The following BACE2 variants were observed in gnomAD, a reference collection of about 807,000 sequenced individuals.
BACE2 encodes beta-secretase 2.
A neutral mutation model predicts 46.2 loss-of-function variants in BACE2; 17 were observed. The ratio of observed to expected loss-of-function variants is 0.37; its 90% CI spans 0.25 to 0.55. BACE2 has a LOEUF of 0.55. BACE2 is among the 20% of genes least tolerant of loss of function. The pLI is 0.82. For synonymous variants in BACE2, 277 were observed against 295.9 expected (o/e 0.94, Z 0.66); for missense variants, 595 against 698.1 (o/e 0.85, Z 1.66).
chr21:41,232,022 T>C (rs1285017080), intron 2 of BACE2, among the ~76,000 whole-genome samples: 2 of 93,380 alleles, frequency 2.1e-5, no homozygotes, highest in African/African-American at 2.2e-4. Context: ...AGAATTACCT[T>C]TTTTTTTTTT....
chr21:41,264,983 C>CTAAA (rs1389993618), intron 8 of BACE2, among the ~76,000 whole-genome samples: 2 of 152,142 alleles, frequency 1.3e-5, no homozygotes, highest in East Asian at 1.9e-4. Flanking sequence ...GACTCTGACT[C>CTAAA]TAAATAAATA....
intron 1 of BACE2, among the ~76,000 whole-genome samples, chr21:41,168,854 AC>A (rs1483507541): frequency 2.0e-5 from 3 of 152,028 alleles, no homozygotes; most frequent in Non-Finnish European, 4.4e-5. Flanking sequence ...GGGAGAGGAG[AC>A]CTGGAACTTG....
chr21:41,271,409 A>G (rs1391589034), intron 8 of BACE2, among the ~76,000 whole-genome samples: 1 of 152,172 alleles, frequency 6.6e-6, no homozygotes, highest in East Asian at 1.9e-4. Context: ...CTAACCTAAA[A>G]AGCTTAACAT....
chr21:41,261,622 CTTAT>C (rs1987939032), intron 8 of BACE2, among the ~76,000 whole-genome samples: 1 of 151,912 alleles, frequency 6.6e-6, no homozygotes, highest in South Asian at 2.1e-4. Flanking sequence ...TGCCCTGTGC[CTTAT>C]TTAAGAAATA....
chr21:41,217,216 A>G (rs1039866482), intron 1 of BACE2, among the ~76,000 whole-genome samples: 4 of 152,250 alleles, frequency 2.6e-5, no homozygotes, highest in Non-Finnish European at 5.9e-5. Context: ...GGCGTGAGCC[A>G]CTGCGCCCGG....
chr21:41,229,446 G>A lies in BACE2; in HGVS notation c.401+3092G>A, dbSNP rs554694205. Among the ~76,000 whole-genome samples the A allele has an allele frequency of 3.3e-5, 5 of 152,314 alleles. No homozygotes were observed. The East Asian group carries it at 7.7e-4, about 23-fold the overall frequency. Reference sequence around the variant, plus strand: ...GGGAACCATGCAAGTCAAGCCCTGTGGATGGCTACTTTTTTCATGGCAGAT... The same window carrying A: ...GGGAACCATGCAAGTCAAGCCCTGTAGATGGCTACTTTTTTCATGGCAGAT... On this transcript the variant is annotated intron_variant, in intron 2 of 8. Coordinates refer to ENST00000330333, the MANE Select transcript of BACE2 (RefSeq NM_012105.5).
intron 2 of BACE2, among the ~76,000 whole-genome samples, chr21:41,232,273 T>C (rs1481683624): frequency 6.6e-6 from 1 of 152,150 alleles, no homozygotes; most frequent in Non-Finnish European, 1.5e-5. Flanking sequence ...TAGACACCGG[T>C]TGCACAAGAG....
At chr21:41,172,173 C>T (rs575556456) in intron 1 of BACE2, among the ~76,000 whole-genome samples, 1 of 152,220 alleles carries the variant, frequency 6.6e-6, no homozygotes, top group Non-Finnish European at 1.5e-5. Flanking sequence ...AAAGTCAAAG[C>T]CAGTTTGCCA....
intron 1 of BACE2, among the ~76,000 whole-genome samples, chr21:41,200,541 A>G (rs1470598766): frequency 6.6e-6 from 1 of 152,206 alleles, no homozygotes; most frequent in Non-Finnish European, 1.5e-5. Context: ...GCACTGTGCT[A>G]GCCCGGCCCC....
chr21:41,215,453 C>T (rs1986434454), intron 1 of BACE2, among the ~76,000 whole-genome samples: 1 of 152,194 alleles, frequency 6.6e-6, no homozygotes, highest in African/African-American at 2.4e-5. Flanking sequence ...ACCCCATGCC[C>T]CAGGTTCAGC....
chr21:41,244,968 CCCACCCCATATGCA>C (rs1987424580), intron 5 of BACE2, among the ~76,000 whole-genome samples: 1 of 150,682 alleles, frequency 6.6e-6, no homozygotes, highest in East Asian at 1.9e-4. Flanking sequence ...TTCTTTCCTG[CCCACCCCATATGCA>C]CCCACCCCAC....
chr21:41,188,497 T>C (rs183174053), intron 1 of BACE2, among the ~76,000 whole-genome samples: 27 of 152,236 alleles, frequency 1.8e-4, no homozygotes, highest in African/African-American at 6.5e-4. Context: ...TAGGGACTTA[T>C]GAATGGAAGT....
At chr21:41,244,044 C>A (rs1413007493) in intron 5 of BACE2, among the ~76,000 whole-genome samples, 2 of 152,156 alleles carry the variant, frequency 1.3e-5, no homozygotes, top group Admixed American at 1.3e-4. Flanking sequence ...TGACACCAAA[C>A]CTCAGGACCA....
chr21:41,220,767 C>G (rs1986616970), intron 1 of BACE2, among the ~76,000 whole-genome samples: 1 of 151,170 alleles, frequency 6.6e-6, no homozygotes, highest in African/African-American at 2.4e-5. Flanking sequence ...GAAATCAACC[C>G]AAACACCTCT....
chr21:41,203,798 G>A (rs1283847994), intron 1 of BACE2, among the ~76,000 whole-genome samples: 2 of 152,174 alleles, frequency 1.3e-5, no homozygotes, highest in Non-Finnish European at 2.9e-5. Context: ...GAGGAGCCTG[G>A]TGAGGCAAGA....
At chr21:41,231,497 C>T (rs1986966015) in intron 2 of BACE2, among the ~76,000 whole-genome samples, 1 of 152,218 alleles carries the variant, frequency 6.6e-6, no homozygotes, top group African/African-American at 2.4e-5. Context: ...AAGGATTGAA[C>T]TCTAGAATTC....
intron 8 of BACE2, among the ~76,000 whole-genome samples, chr21:41,267,927 T>A (rs1201308492): frequency 2.0e-5 from 3 of 152,170 alleles, no homozygotes; most frequent in African/African-American, 7.2e-5. Flanking sequence ...TTATTTTGTA[T>A]GCTATAGGGA....
chr21:41,179,731 G>T, intron 1 of BACE2: 1 of 1,135,510 alleles, frequency 8.8e-7, no homozygotes, highest in Non-Finnish European at 1.2e-6. Flanking sequence ...TTAAAAAGGA[G>T]AATCAAGCTG....
chr21:41,203,819 C>T (rs893904680), intron 1 of BACE2, among the ~76,000 whole-genome samples: 1 of 152,104 alleles, frequency 6.6e-6, no homozygotes, highest in Non-Finnish European at 1.5e-5. Flanking sequence ...TACCTGAAGA[C>T]GGGGATGGGT....
Sources: allele counts gnomAD v4.1 joint callset (sites outside exome capture counted in the v4.1 genomes callset), GRCh38; gene constraint gnomAD v4.1.1; transcripts MANE v1.5; gene names NCBI Gene and HGNC (gene_info 2026-07-23, HGNC 2026-07-21).